Variants in SCN11A observed in about 807,000 individuals in gnomAD.
SCN11A encodes sodium voltage-gated channel alpha subunit 11.
Under a neutral mutation model 162.2 loss-of-function variants are expected in SCN11A, and 122 were observed. That is an observed-to-expected ratio of 0.75 (90% CI 0.65 to 0.87). SCN11A has a LOEUF of 0.87. SCN11A is among the 40% of genes least tolerant of loss of function. The probability of loss-of-function intolerance (pLI) is 0.00; values close to 1 mark genes in which losing one functional copy is unlikely to be tolerated. For missense variants in SCN11A, 2,015 were observed against 2,181.6 expected (o/e 0.92, Z 1.52); for synonymous variants, 758 against 751.5 (o/e 1.01, Z -0.14).
intron 20 of SCN11A, among the ~76,000 whole-genome samples, chr3:38,885,753 A>G (rs2065387293): frequency 6.6e-6 from 1 of 152,130 alleles, no homozygotes; most frequent in East Asian, 1.9e-4. Context: ...ATAATTTTCC[A>G]CTGTCTCACC....
chr3:39,041,928 G>T (rs1355665769), intron 1 of SCN11A, among the ~76,000 whole-genome samples: 2 of 152,180 alleles, frequency 1.3e-5, no homozygotes, highest in Admixed American at 1.3e-4. Context: ...AATGTAAATG[G>T]ATTAAATTTC....
intron 2 of SCN11A, among the ~76,000 whole-genome samples, chr3:38,997,461 T>A (rs1220193823): frequency 1.3e-5 from 2 of 152,244 alleles, no homozygotes; most frequent in East Asian, 3.8e-4. Flanking sequence ...TAAATTATAA[T>A]CCACAAAGAA....
intron 23 of SCN11A, among the ~76,000 whole-genome samples, chr3:38,872,958 A>G (rs1026553487): frequency 3.3e-5 from 5 of 152,210 alleles, no homozygotes; most frequent in Non-Finnish European, 7.3e-5. Context: ...CATGGAAAAA[A>G]TAAATTATTT....
At position 39,011,136 on chromosome 3, in the gene SCN11A, A is replaced by G. The variant is rs558317286; in HGVS notation, c.-280+21244T>C. Reference sequence around the variant, plus strand: ...GCCAAGCAAGGAGACTCAGGCAGCTATGCTTAAGACCCGACCTCCCTGATG... The same window carrying G: ...GCCAAGCAAGGAGACTCAGGCAGCTGTGCTTAAGACCCGACCTCCCTGATG... On this transcript the variant is annotated intron_variant, in intron 2 of 29. Transcript: ENST00000302328. 2.2e-3 allele frequency among the ~76,000 whole-genome samples: 341 copies of G among 152,314 alleles called. 1 individual carries two copies. The highest frequency in any genetic ancestry group is 7.8e-3 in the African/African-American group (324 of 41,570).
chr3:38,861,927 T>C (rs2064970580), intron 28 of SCN11A, among the ~76,000 whole-genome samples: 1 of 151,780 alleles, frequency 6.6e-6, no homozygotes, highest in Non-Finnish European at 1.5e-5. Flanking sequence ...CACGGCAAAA[T>C]AAATAATCAG....
chr3:38,909,207 G>A lies in SCN11A; in HGVS notation c.1102-13C>T, dbSNP rs1448726925. 1 of 1,612,942 alleles carries A rather than the reference G, an allele frequency of 6.2e-7. No individual in the cohort carries two copies. Among genetic ancestry groups the A allele is most frequent in the African/African-American group, 1.3e-5 (1 of 74,854 alleles). ...TAGTACGCAGGGTCTGCAAAGGACA[G>A]AGCATGTTCTTGAATATCAAACCTT... On this transcript the variant is annotated splice_polypyrimidine_tract_variant and intron_variant, in intron 12 of 29. Coordinates refer to ENST00000302328, the MANE Select transcript of SCN11A (RefSeq NM_001349253.2).
intron 1 of SCN11A, among the ~76,000 whole-genome samples, chr3:39,033,289 C>T (rs2031812603): frequency 6.6e-6 from 1 of 151,952 alleles, no homozygotes; most frequent in African/African-American, 2.4e-5. Context: ...TTCTAAAACT[C>T]TTATTTACTT....
chr3:39,033,802 TA>T (rs1453561571), intron 1 of SCN11A, among the ~76,000 whole-genome samples: 1 of 152,178 alleles, frequency 6.6e-6, no homozygotes, highest in Non-Finnish European at 1.5e-5. Flanking sequence ...TGTTATTGCC[TA>T]AACAATATAG....
intron 11 of SCN11A, among the ~76,000 whole-genome samples, chr3:38,918,226 G>A (rs2065990908): frequency 6.6e-6 from 1 of 152,152 alleles, no homozygotes; most frequent in Non-Finnish European, 1.5e-5. Flanking sequence ...CTGCCTGTGT[G>A]AGGGGTAAAA....
chr3:38,988,599 T>C (rs1282614805), intron 2 of SCN11A, among the ~76,000 whole-genome samples: 1 of 152,210 alleles, frequency 6.6e-6, no homozygotes, highest in Non-Finnish European at 1.5e-5. Context: ...TCACCAGGAT[T>C]CTGCCCAACA....
intron 15 of SCN11A, 93 bp from the exon 16 acceptor site, chr3:38,904,196 G>T: frequency 1.4e-6 from 1 of 737,576 alleles, no homozygotes; most frequent in South Asian, 2.2e-5. Context: ...TCTTCCCCAG[G>T]GCCTCCTGAT....
At chr3:39,047,023 C>T (rs2032198877) in intron 1 of SCN11A, among the ~76,000 whole-genome samples, 1 of 102,282 alleles carries the variant, frequency 9.8e-6, no homozygotes, top group East Asian at 3.5e-4. Flanking sequence ...ACACAGCCCC[C>T]CACCCCCCAC....
At chr3:38,920,063 G>A in intron 10 of SCN11A, 62 bp from the exon 11 acceptor site, 2 of 1,249,544 alleles carry the variant, frequency 1.6e-6, no homozygotes, top group Non-Finnish European at 2.3e-6. Flanking sequence ...AAAGAGAATA[G>A]TAAGTATGCA....
At chr3:38,886,342 A>T in intron 19 of SCN11A, 104 bp from the exon 20 acceptor site, 1 of 628,878 alleles carries the variant, frequency 1.6e-6, no homozygotes, top group Non-Finnish European at 2.7e-6. Flanking sequence ...CATGAGAATA[A>T]GCCTTTGACA....
intron 7 of SCN11A, among the ~76,000 whole-genome samples, chr3:38,939,617 T>C (rs2066409324): frequency 6.6e-6 from 1 of 152,146 alleles, no homozygotes; most frequent in African/African-American, 2.4e-5. Context: ...TTAAAAACAT[T>C]TCAAGGCCGG....
intron 27 of SCN11A, among the ~76,000 whole-genome samples, chr3:38,865,161 ATGT>A (rs1309176488): frequency 6.6e-6 from 1 of 152,220 alleles, no homozygotes; most frequent in Non-Finnish European, 1.5e-5. Flanking sequence ...AAGTCAATAA[ATGT>A]TGTGCTAGGT....
intron 2 of SCN11A, among the ~76,000 whole-genome samples, chr3:39,012,750 C>T (rs945870462): frequency 3.9e-5 from 6 of 152,324 alleles, no homozygotes; most frequent in African/African-American, 1.4e-4. Flanking sequence ...GCTGGGATTA[C>T]AGGCGTGAGC....
intron 4 of SCN11A, among the ~76,000 whole-genome samples, chr3:38,951,373 T>G (rs1374490814): frequency 6.6e-6 from 1 of 152,246 alleles, no homozygotes; most frequent in Non-Finnish European, 1.5e-5. Context: ...TCACCGGGCC[T>G]TAGCTGACTT....
In SCN11A at chr3:38,962,439, T is replaced by C. The variant is rs566214614; in HGVS notation, c.-279-2016A>G. Among the ~76,000 whole-genome samples, 3 of 152,238 alleles carry C rather than the reference T, an allele frequency of 2.0e-5. No individual in the cohort carries two copies. The South Asian group carries it at 6.2e-4, about 32-fold the overall frequency. ...ATATTTTGATGGGGATTGTGTTGAATTTGTAGATTGCTTTTGGCAGTATGG... is the reference window on the plus strand; with the variant it reads ...ATATTTTGATGGGGATTGTGTTGAACTTGTAGATTGCTTTTGGCAGTATGG... On this transcript the variant is annotated intron_variant, in intron 2 of 29. Transcript: ENST00000302328.
Sources: allele counts gnomAD v4.1 joint callset (sites outside exome capture counted in the v4.1 genomes callset), GRCh38; gene constraint gnomAD v4.1.1; transcripts MANE v1.5; gene names NCBI Gene and HGNC (gene_info 2026-07-23, HGNC 2026-07-21).